EGR2: variants seen among roughly 807,000 people sequenced by gnomAD.
The protein encoded by EGR2 is E3 SUMO-protein ligase EGR2.
In EGR2, 2 loss-of-function variants were observed where a neutral mutation model predicts 21.2. The ratio of observed to expected loss-of-function variants is 0.09; its 90% CI spans 0.04 to 0.30. The LOEUF is 0.30. Among genes scored for constraint, EGR2 ranks in the 10% least tolerant of loss-of-function variants. The pLI, the probability that EGR2 is intolerant of heterozygous loss-of-function variation, is 1.00. For missense variants in EGR2, 458 were observed against 630.2 expected, an observed-to-expected ratio of 0.73 and a Z score of 2.93; for synonymous variants, 282 against 258.2, an observed-to-expected ratio of 1.09 and a Z score of -0.88.
At position 62,813,394 on chromosome 10, in the gene EGR2, C is replaced by A. The variant is rs1422314988; in HGVS notation, c.1244G>T (p.Arg415Leu). 6.2e-7 allele frequency: 1 copy of A among 1,612,262 alleles called. No individual in the cohort carries two copies. Among genetic ancestry groups the A allele is most frequent in the Non-Finnish European group, 8.5e-7 (1 of 1,178,634 alleles). Reference sequence around the variant, plus strand: ...CTGTCTCAGGTGGATCTTGGTGTGGCGCTTCCTCTCATCACTCCGGGCAAA... The same window carrying A: ...CTGTCTCAGGTGGATCTTGGTGTGGAGCTTCCTCTCATCACTCCGGGCAAA... ...RKFARSDERK[R>L]HTKIHLRQKE... The change falls in exon 2 of 2, where the codon CGC (arginine) becomes CTC (leucine). Residue 415 changes from arginine to leucine, a missense_variant. Arg to Leu is a moderately radical substitution (Grantham distance 102). This residue lies in a region of EGR2 where 39 missense variants were observed against 113.7 expected (regional missense o/e 0.34). Transcript: ENST00000242480. This position sits in a 1 kb window ranked among gnomAD's most constrained non-coding sequence, Gnocchi z 5.7.
chr10:62,815,623 C>T (rs1345173935), intron 1 of EGR2, among the ~76,000 whole-genome samples: 2 of 152,230 alleles, frequency 1.3e-5, no homozygotes, highest in Non-Finnish European at 2.9e-5. Context: ...TCGCCCGGGG[C>T]TGGGCGCGCC....
Position 62,816,053 on chromosome 10 carries a change from C to A in EGR2, c.-24G>T, listed in dbSNP as rs1842260197. 1.9e-6 allele frequency: 3 copies of A among 1,613,926 alleles called. No individual in the cohort carries two copies. Among genetic ancestry groups the A allele is most frequent in the Non-Finnish European group, 2.5e-6 (3 of 1,180,006 alleles). ...ATTTGCTCCTCGCACAACCTGGAGA[C>A]CCAACTCCCTCGCTACCTGGAGTGT... On this transcript the variant is annotated 5_prime_UTR_variant, in exon 1 of 2. Coordinates refer to ENST00000242480, the MANE Select transcript of EGR2 (RefSeq NM_000399.5).
chr10:62,814,415 A>T lies in EGR2; in HGVS notation c.223T>A (p.Tyr75Asn), dbSNP rs745451966. 6.2e-7 allele frequency: 1 copy of T among 1,614,128 alleles called. No homozygotes were observed. Among genetic ancestry groups the T allele is most frequent in the Non-Finnish European group, 8.5e-7 (1 of 1,180,018 alleles). Residue 75 changes from tyrosine to asparagine, a missense_variant, in exon 2 of 2, where the codon TAT (tyrosine) becomes AAT (asparagine). Physicochemically the swap from Tyr to Asn is moderately radical, Grantham distance 143. Around this residue, in one of 5 missense-constraint regions of EGR2, gnomAD observed 91 missense variants for 105.2 expected, o/e 0.87. Transcript: ENST00000242480. This position sits in a 1 kb window ranked among gnomAD's most constrained non-coding sequence, Gnocchi z 4.8. ...TGEKRSLDLP[Y>N]PSSFAPVSAP... ...GAGACGGGAGCAAAGCTGCTGGGAT[A>T]TGGGAGATCCAACGACCTCTTCTCT...
upstream of EGR2, among the ~76,000 whole-genome samples, chr10:62,817,395 C>T (rs1838277412): frequency 6.6e-6 from 1 of 152,192 alleles, no homozygotes. This position sits in a 1 kb window ranked among gnomAD's most constrained non-coding sequence, Gnocchi z 4.4. Flanking sequence ...CTACACACCT[C>T]CCTGTTGACT....
chr10:62,816,500 CT>C, upstream of EGR2: 1 of 494,134 alleles, frequency 2.0e-6, no homozygotes, highest in Non-Finnish European at 2.7e-6. Flanking sequence ...CATACACGGG[CT>C]CGGCCGCGCG....
At position 62,813,131 on chromosome 10, in the gene EGR2, G is replaced by C. The variant is rs1842151123; in HGVS notation, c.*76C>G. 3 of 1,442,052 alleles carry C rather than the reference G, an allele frequency of 2.1e-6. No homozygotes were observed. The Admixed American group carries it at 6.8e-5, about 33-fold the overall frequency. The allele number at this position is 1,442,052 out of a possible 1,614,324, so 89.3% of individuals were successfully genotyped here. On this transcript the variant is annotated 3_prime_UTR_variant, in exon 2 of 2. Transcript: ENST00000242480. The surrounding 1 kb of genome is among the most constrained non-coding windows in gnomAD (Gnocchi z 5.7). ...GAGAGAGGGACAGGAAAGGGTGGTA[G>C]TGTTTGTTGTGCAGCTCCAGTGGAC...
chr10:62,812,695 CTA>C lies in EGR2; in HGVS notation c.*510_*511del, dbSNP rs1378217882. 7 of 153,778 alleles carry C rather than the reference CTA, an allele frequency of 4.6e-5. No homozygotes were observed. The highest frequency in any genetic ancestry group is 1.7e-4 in the African/African-American group (7 of 41,572). The allele number at this position is 153,778 out of a possible 1,614,324, so 9.5% of individuals were successfully genotyped here. A position where few individuals can be genotyped will look rare whatever the true frequency, so the allele number is the denominator to read the frequency against. On this transcript the variant is annotated 3_prime_UTR_variant, in exon 2 of 2. Coordinates refer to ENST00000242480, the MANE Select transcript of EGR2 (RefSeq NM_000399.5). ...AGGGCCACAGAGTGTGGCATAAAGG[CTA>C]TACTTCACTCACTGTACAATGTCCC...
In EGR2 at chr10:62,813,710, A is replaced by AGGCGGC. The variant is rs753747037; in HGVS notation, c.922_927dup (p.Ala308_Ala309dup). The AGGCGGC allele has an allele frequency of 1.1e-4, 179 of 1,611,868 alleles. No individual in the cohort carries two copies. The highest frequency in any genetic ancestry group is 1.6e-4 in the Middle Eastern group (1 of 6,068). On this transcript the variant is annotated inframe_insertion, in exon 2 of 2. Transcript: ENST00000242480. The surrounding 1 kb of genome is among the most constrained non-coding windows in gnomAD (Gnocchi z 5.7). ...CGCAGTGGCAGGTGGTGTGGGTTAT[A>AGGCGGC]GGCGGCGGCGGCGGCGGCTGCTGCT...
In EGR2 at chr10:62,812,620, A is replaced by G. The variant is rs1420124483; in HGVS notation, c.*587T>C. 6.5e-6 allele frequency: 1 copy of G among 152,786 alleles called. No homozygotes were observed. Among genetic ancestry groups the G allele is most frequent in the Non-Finnish European group, 1.5e-5 (1 of 68,078 alleles). The allele number at this position is 152,786 out of a possible 1,614,324, so 9.5% of individuals were successfully genotyped here. On this transcript the variant is annotated 3_prime_UTR_variant, in exon 2 of 2. Coordinates refer to ENST00000242480, the MANE Select transcript of EGR2 (RefSeq NM_000399.5). The stretch of plus-strand genomic sequence containing the variant: ...CTTCTGTTCTCTGAGTTTATAATAC[A>G]TATTGCTTCAAGGGTTGAGACAACT...
chr10:62,816,472 C>G (rs1035424388), upstream of EGR2: 20 of 755,910 alleles, frequency 2.6e-5, no homozygotes, highest in Admixed American at 4.9e-5. Flanking sequence ...CGGCTTTTGC[C>G]GTCACATGGC....
chr10:62,818,923 G>T (rs980779946), upstream of EGR2, among the ~76,000 whole-genome samples: 6 of 152,170 alleles, frequency 3.9e-5, no homozygotes, highest in African/African-American at 1.2e-4. Context: ...CCGAGTGCCC[G>T]GCCAGCAGGG....
Position 62,815,838 on chromosome 10 carries a change from G to C in EGR2, c.169+23C>G, listed in dbSNP as rs773486713. 6 of 1,613,412 alleles carry C rather than the reference G, an allele frequency of 3.7e-6. No homozygotes were observed. The African/African-American group carries it at 6.7e-5, about 18-fold the overall frequency. On this transcript the variant is annotated intron_variant, in intron 1 of 1. Coordinates refer to ENST00000242480, the MANE Select transcript of EGR2 (RefSeq NM_000399.5). ...CCACCTCCGGGCCGCGCAGGTCCGG[G>C]CCTGCGAAGACACGCGGCTTACCTC...
chr10:62,816,254 C>T lies in EGR2; in HGVS notation c.-225G>A, dbSNP rs1244246667. On this transcript the variant is annotated 5_prime_UTR_variant, in exon 1 of 2. Coordinates refer to ENST00000242480, the MANE Select transcript of EGR2 (RefSeq NM_000399.5). The stretch of plus-strand genomic sequence containing the variant: ...GAAAAATGTCTATTTGCCACTGACT[C>T]TCTCCTGTCTGTGTTCCGGCTGCTG... 4 of 1,402,878 alleles carry T rather than the reference C, an allele frequency of 2.9e-6. No individual in the cohort carries two copies. The African/African-American group carries it at 4.3e-5, about 15-fold the overall frequency. 86.9% of individuals were successfully genotyped at this position (1,402,878 alleles called of 1,614,324 possible). A position where few individuals can be genotyped will look rare whatever the true frequency, so the allele number is the denominator to read the frequency against.
At position 62,813,971 on chromosome 10, in the gene EGR2, T is replaced by A; in HGVS notation, c.667A>T (p.Ile223Phe). ...PATDPGLFPM[I>F]PDYPGFFPSQ... ...GGAAAGAATCCAGGATAGTCTGGGA[T>A]CATTGGGAAGAGACCTGGGTCCGTG... Residue 223 changes from isoleucine to phenylalanine, a missense_variant, in exon 2 of 2, where the codon ATC (isoleucine) becomes TTC (phenylalanine). Transcript: ENST00000242480. The surrounding 1 kb of genome is among the most constrained non-coding windows in gnomAD (Gnocchi z 5.7). 6.2e-7 allele frequency: 1 copy of A among 1,614,070 alleles called. No individual in the cohort carries two copies. The highest frequency in any genetic ancestry group is 8.5e-7 in the Non-Finnish European group (1 of 1,180,004).
rs374833463 is a variant in EGR2, at chr10:62,813,236, G to A, written c.1402C>T (p.Pro468Ser). The change falls in exon 2 of 2, where the codon CCT becomes TCT. Residue 468 changes from proline (P) to serine (S), a missense_variant. Pro to Ser is a moderately conservative substitution (Grantham distance 74). Coordinates refer to ENST00000242480, the MANE Select transcript of EGR2 (RefSeq NM_000399.5). This position sits in a 1 kb window ranked among gnomAD's most constrained non-coding sequence, Gnocchi z 5.7. ...SSSLGGGPLA[P>S]CSSRTRTP ...GGTGTCCGGGTCCGAGAGGAGCAAG[G>A]GGCGAGCGGCCCTCCGCCAAGACTG... 4.5e-5 allele frequency: 71 copies of A among 1,568,342 alleles called. No homozygotes were observed. The Middle Eastern group carries it at 6.9e-4, about 15-fold the overall frequency.
In EGR2 at chr10:62,813,296, G is replaced by A; in HGVS notation, c.1342C>T (p.Gln448Ter). Residue 448 changes from glutamine to a stop codon, truncating the protein, a stop_gained, in exon 2 of 2, where the codon CAG becomes TAG. Coordinates refer to ENST00000242480, the MANE Select transcript of EGR2 (RefSeq NM_000399.5). LOFTEE classifies it high-confidence loss of function. This position sits in a 1 kb window ranked among gnomAD's most constrained non-coding sequence, Gnocchi z 5.7. Reference protein sequence around the residue: ...PSTASCSGGVQPGGTLCSSNS... With the variant: ...PSTASCSGGV ...CTGCTGCACAGGGTACCCCCAGGCTGCACGCCCCCAGAGCAGGAGGCTGTA... is the reference window on the plus strand; with the variant it reads ...CTGCTGCACAGGGTACCCCCAGGCTACACGCCCCCAGAGCAGGAGGCTGTA... 6.4e-7 allele frequency: 1 copy of A among 1,573,952 alleles called. No homozygotes were observed.
At chr10:62,817,808 G>C (rs370771495), upstream of EGR2, among the ~76,000 whole-genome samples, 1 of 152,176 alleles carries the variant, frequency 6.6e-6, no homozygotes, top group Non-Finnish European at 1.5e-5. This position sits in a 1 kb window ranked among gnomAD's most constrained non-coding sequence, Gnocchi z 4.4. Flanking sequence ...ATAGCAGCAG[G>C]TTCTGGCTTG....
chr10:62,818,189 G>T (rs937731591), upstream of EGR2, among the ~76,000 whole-genome samples: 42 of 152,180 alleles, frequency 2.8e-4, no homozygotes, highest in African/African-American at 1.0e-3. Flanking sequence ...CGCTGCAGCC[G>T]TGCGCCAGCT....
At chr10:62,816,568 G>A (rs528944155), upstream of EGR2, among the ~76,000 whole-genome samples, 1 of 152,240 alleles carries the variant, frequency 6.6e-6, no homozygotes, top group East Asian at 1.9e-4. Flanking sequence ...CTGGGGTCCC[G>A]GGCGCGCGGC....
Sources: allele counts gnomAD v4.1 joint callset (sites outside exome capture counted in the v4.1 genomes callset), GRCh38; gene constraint gnomAD v4.1.1; regional missense constraint gnomAD v4.1.1; non-coding constraint Gnocchi (gnomAD v3.1); transcripts MANE v1.5; gene names NCBI Gene and HGNC (gene_info 2026-07-23, HGNC 2026-07-21).